Variants in TUB observed in about 807,000 individuals in gnomAD.
TUB encodes tubby protein homolog.
Under a neutral mutation model 59.7 loss-of-function variants are expected in TUB, and 33 were observed. That is an observed-to-expected ratio of 0.55 (90% CI 0.42 to 0.74). TUB has a LOEUF of 0.74. TUB is among the 30% of genes least tolerant of loss of function. TUB has a pLI of 0.00. For synonymous variants in TUB, 293 were observed against 256.4 expected (o/e 1.14, Z -1.36); for missense variants, 659 against 672.0 (o/e 0.98, Z 0.21).
exon 1 of TUB, chr11:8,038,662 T>C (rs1335691381): frequency 5.9e-6 from 8 of 1,353,216 alleles, no homozygotes; most frequent in South Asian, 1.7e-5. Context: ...CCTGAAGGGT[T>C]TGGGGGGAGA....
At chr11:8,099,994 G>A (rs561527020) in intron 9 of TUB, among the ~76,000 whole-genome samples, 1 of 152,308 alleles carries the variant, frequency 6.6e-6, no homozygotes, top group African/African-American at 2.4e-5. Flanking sequence ...GGAGAGTTCT[G>A]AGCAGAGGAG....
At position 8,100,497 on chromosome 11, in the gene TUB, TC is replaced by T; in HGVS notation, c.1117-3del. On this transcript the variant is annotated splice_region_variant and splice_polypyrimidine_tract_variant and intron_variant, in intron 9 of 11. Transcript: ENST00000299506. Reference sequence around the variant, plus strand: ...CAGGTGGCCAGTGTTGCGTTCTCTTTCCCAGGAGACAAACGTCTTAGGCTTC... The same window carrying T: ...CAGGTGGCCAGTGTTGCGTTCTCTTTCCAGGAGACAAACGTCTTAGGCTTC... The T allele has an allele frequency of 6.2e-7, 1 of 1,613,686 alleles. No individual in the cohort carries two copies. Among genetic ancestry groups the T allele is most frequent in the Non-Finnish European group, 8.5e-7 (1 of 1,179,736 alleles).
rs7394561 is a variant in TUB, at chr11:8,100,687, G to T, written c.1215+86G>T. 5 of 1,523,382 alleles carry T rather than the reference G, an allele frequency of 3.3e-6. No homozygotes were observed. The South Asian group carries it at 3.4e-5, about 10-fold the overall frequency. 94.4% of individuals were successfully genotyped at this position (1,523,382 alleles called of 1,614,324 possible). A position where few individuals can be genotyped will look rare whatever the true frequency, so the allele number is the denominator to read the frequency against. ...AAGGGCAGAACTCCAGCTGATGTGT[G>T]TATGTGGAGGGGTACCATGTGAGAA... is the stretch of plus-strand genomic sequence containing the variant. On this transcript the variant is annotated intron_variant, in intron 10 of 11. Transcript: ENST00000299506.
intron 1 of TUB, among the ~76,000 whole-genome samples, chr11:8,020,549 C>T (rs1249550337): frequency 6.6e-6 from 1 of 152,220 alleles, no homozygotes. Flanking sequence ...AGCCTGTAAA[C>T]TTATTCACCT....
chr11:8,030,327 A>G (rs1435742048), intron 1 of TUB, among the ~76,000 whole-genome samples: 1 of 152,124 alleles, frequency 6.6e-6, no homozygotes, highest in Non-Finnish European at 1.5e-5. Flanking sequence ...GCTCATGGGT[A>G]TCTGTTGATA....
At position 8,094,168 on chromosome 11, in the gene TUB, GAGA is replaced by G. The variant is rs776764692; in HGVS notation, c.382_384del (p.Lys128del). ...GGGCCAGGGTGGCGCCGCTAGGAAG[GAGA>G]AGAAGGGAAAGCACAAAGGTCAGCT... On this transcript the variant is annotated inframe_deletion, in exon 4 of 12. Transcript: ENST00000299506. 19 of 1,613,526 alleles carry G rather than the reference GAGA, an allele frequency of 1.2e-5. No homozygotes were observed. The highest frequency in any genetic ancestry group is 1.7e-4 in the Middle Eastern group (1 of 6,056).
At chr11:8,096,579 G>T in intron 5 of TUB, 106 bp from the exon 6 acceptor site, 1 of 770,214 alleles carries the variant, frequency 1.3e-6, no homozygotes, top group South Asian at 1.5e-5. Flanking sequence ...AAGTTTGTGG[G>T]GGTACAGGTG....
chr11:8,075,081 G>A (rs1225758012), intron 2 of TUB, among the ~76,000 whole-genome samples: 1 of 152,028 alleles, frequency 6.6e-6, no homozygotes, highest in Non-Finnish European at 1.5e-5. Flanking sequence ...CCCCATAAAG[G>A]ATGCTTAGTG....
chr11:8,020,535 C>T (rs1312538551), intron 1 of TUB, among the ~76,000 whole-genome samples: 1 of 152,200 alleles, frequency 6.6e-6, no homozygotes, highest in South Asian at 2.1e-4. Flanking sequence ...AGTGATCTCT[C>T]TTCAGCCTGT....
At chr11:8,066,826 C>T (rs573661545) in intron 2 of TUB, among the ~76,000 whole-genome samples, 3 of 152,144 alleles carry the variant, frequency 2.0e-5, no homozygotes, top group Non-Finnish European at 4.4e-5. Context: ...GCCTACCAGG[C>T]GTGCAGCCCC....
chr11:8,098,670 G>A, intron 8 of TUB, 88 bp from the exon 9 acceptor site: 1 of 946,734 alleles, frequency 1.1e-6, no homozygotes, highest in Non-Finnish European at 1.7e-6. Flanking sequence ...AGAATGTTTT[G>A]CAGGCTCCTC....
chr11:8,071,234 C>T (rs575241647), intron 2 of TUB, among the ~76,000 whole-genome samples: 28 of 152,232 alleles, frequency 1.8e-4, no homozygotes, highest in Admixed American at 1.4e-3. Context: ...CTGTACTCAC[C>T]GTGCCTTTTT....
In TUB at chr11:8,092,666, T is replaced by C. The variant is rs185920512; in HGVS notation, c.254-1380T>C. On this transcript the variant is annotated intron_variant, in intron 3 of 11. Transcript: ENST00000299506. ...GGACATTTGAACATGTGACATTTGA[T>C]TTCTGGGAGGTGCCTACTGCTTCTC... Among the ~76,000 whole-genome samples the C allele has an allele frequency of 5.9e-5, 9 of 152,286 alleles. 1 individual carries two copies. The highest frequency in any genetic ancestry group is 2.2e-4 in the African/African-American group (9 of 41,558).
At position 8,094,147 on chromosome 11, in the gene TUB, C is replaced by G. The variant is rs1187957777; in HGVS notation, c.355C>G (p.Gln119Glu). 4 of 1,613,898 alleles carry G rather than the reference C, an allele frequency of 2.5e-6. No homozygotes were observed. In the Admixed American group the frequency reaches 6.7e-5, roughly 27 times the overall value. ...CAAGGCGGCAGCTACAGCAGGGGGC[C>G]AGGGTGGCGCCGCTAGGAAGGAGAA... Reference protein sequence around the residue: ...RTKAAATAGGQGGAARKEKKG... With the variant: ...RTKAAATAGGEGGAARKEKKG... Residue 119 changes from glutamine (Q) to glutamate (E), a missense_variant, in exon 4 of 12, where the codon CAG becomes GAG. Physicochemically the swap from Gln to Glu is conservative, Grantham distance 29 (BLOSUM62 2). Around this residue, in one of 3 missense-constraint regions of TUB, gnomAD observed 321 missense variants for 304.3 expected, o/e 1.05. Transcript: ENST00000299506.
In TUB at chr11:8,100,600, A is replaced by G. The variant is rs189328202; in HGVS notation, c.1214A>G (p.Asn405Ser). The change falls in exon 10 of 12, where the codon AAC becomes AGC. Residue 405 changes from asparagine (N) to serine (S), a missense_variant and splice_region_variant. Physicochemically the swap from Asn to Ser is conservative, Grantham distance 46. This residue lies in a region of TUB where 226 missense variants were observed against 210.8 expected (regional missense o/e 1.07). Transcript: ENST00000299506. ...VHERVSIRPR[N>S]EHETLLARWQ... ...GAGAGAGTCTCTATCCGCCCCCGCAACGTGAGTGTCTACCCCTTCCTCCCC... is the reference window on the plus strand; with the variant it reads ...GAGAGAGTCTCTATCCGCCCCCGCAGCGTGAGTGTCTACCCCTTCCTCCCC... The G allele has an allele frequency of 6.8e-5, 109 of 1,613,624 alleles. No individual in the cohort carries two copies. In the East Asian group the frequency reaches 2.0e-3, roughly 30 times the overall value.
chr11:8,028,369 A>G (rs368606813), intron 1 of TUB, among the ~76,000 whole-genome samples: 1 of 152,176 alleles, frequency 6.6e-6, no homozygotes, highest in Non-Finnish European at 1.5e-5. Flanking sequence ...TGATTTGCAA[A>G]TGTTTTTCCC....
chr11:8,097,507 A>G (rs79061267), intron 7 of TUB, 82 bp downstream of exon 7: 3 of 1,576,354 alleles, frequency 1.9e-6, no homozygotes, highest in Non-Finnish European at 1.7e-6. Flanking sequence ...TGGAAGTCTC[A>G]TATCTACCAC....
Position 8,094,053 on chromosome 11 carries a change from G to T in TUB, c.261G>T (p.Glu87Asp). The change falls in exon 4 of 12, where the codon GAG (glutamate) becomes GAT (aspartate). Residue 87 changes from glutamate (E) to aspartate (D), a missense_variant. By Grantham distance (45) the Glu-to-Asp change is conservative (BLOSUM62 2). This residue lies in a region of TUB where 321 missense variants were observed against 304.3 expected (regional missense o/e 1.05). Coordinates refer to ENST00000299506, the MANE Select transcript of TUB (RefSeq NM_177972.3). ...SSGSTSYQVQ[E>D]ADSLASVQLG... ...GGGATGTTTCCTGAGCAGTTCAAGA[G>T]GCCGACTCACTCGCCAGTGTGCAGC... 6.2e-7 allele frequency: 1 copy of T among 1,614,136 alleles called. No homozygotes were observed. The highest frequency in any genetic ancestry group is 8.5e-7 in the Non-Finnish European group (1 of 1,180,046).
At position 8,038,677 on chromosome 11, in the gene TUB, G is replaced by C. The variant is rs981754604; in HGVS notation, c.-197G>C. On this transcript the variant is annotated 5_prime_UTR_variant, in exon 1 of 13. Transcript: ENST00000305253. ...CCTGAAGGGTTTGGGGGGAGACTGCGACCAGAAGATGTTTCCATGTCCTAA... is the reference window on the plus strand; with the variant it reads ...CCTGAAGGGTTTGGGGGGAGACTGCCACCAGAAGATGTTTCCATGTCCTAA... The C allele has an allele frequency of 8.6e-6, 12 of 1,393,998 alleles. No individual in the cohort carries two copies. The African/African-American group carries it at 1.6e-4, about 18-fold the overall frequency. The allele number at this position is 1,393,998 out of a possible 1,614,324, so 86.4% of individuals were successfully genotyped here.
Sources: gnomAD v4.1 joint callset for allele counts (sites outside exome capture counted in the v4.1 genomes callset) on GRCh38, gnomAD v4.1.1 for gene constraint, gnomAD v4.1.1 regional missense constraint, MANE v1.5 for transcripts, NCBI Gene and HGNC (gene_info 2026-07-23, HGNC 2026-07-21) for gene names.